The following EFNB2 variants were observed in gnomAD, a reference collection of about 807,000 sequenced individuals.
EFNB2 encodes ephrin-B2.
Under a neutral mutation model 32.1 loss-of-function variants are expected in EFNB2, and 5 were observed. The observed-to-expected ratio is 0.16, with a 90% CI of 0.08 to 0.33. EFNB2 has a LOEUF of 0.33. Ranked by LOEUF, EFNB2 falls within the 10% of genes least tolerant of loss-of-function variation. The pLI is 1.00. For synonymous variants in EFNB2, 168 were observed against 166.5 expected (o/e 1.01, Z -0.07); for missense variants, 263 against 422.6 (o/e 0.62, Z 3.31).
intron 1 of EFNB2, among the ~76,000 whole-genome samples, chr13:106,530,036 G>A (rs1181299353): frequency 6.6e-6 from 1 of 152,190 alleles, no homozygotes; most frequent in Non-Finnish European, 1.5e-5. Context: ...GGCTAGTATC[G>A]TGCTGAATTT....
At chr13:106,529,397 C>G (rs965804442) in intron 1 of EFNB2, among the ~76,000 whole-genome samples, 1 of 152,182 alleles carries the variant, frequency 6.6e-6, no homozygotes, top group African/African-American at 2.4e-5. Flanking sequence ...CTGCAGTGAT[C>G]TGAAGTTTTA....
chr13:106,495,187 C>T (rs947800184), intron 3 of EFNB2, among the ~76,000 whole-genome samples, 193 bp from the exon 4 acceptor site: 6 of 152,148 alleles, frequency 3.9e-5, no homozygotes, highest in East Asian at 1.9e-4. Flanking sequence ...AGGTTTAGAA[C>T]GTGAGGCCAT....
chr13:106,508,537 C>T (rs1879033569), intron 2 of EFNB2, among the ~76,000 whole-genome samples: 1 of 152,098 alleles, frequency 6.6e-6, no homozygotes, highest in Non-Finnish European at 1.5e-5. Flanking sequence ...GGGCTAATTA[C>T]TGAAATAGGT....
intron 1 of EFNB2, among the ~76,000 whole-genome samples, chr13:106,526,687 C>G (rs1234290231): frequency 6.6e-6 from 1 of 152,134 alleles, no homozygotes; most frequent in Non-Finnish European, 1.5e-5. Context: ...TTTCTAACTT[C>G]TTCTGCAGCT....
chr13:106,494,360 C>T (rs758830115), intron 4 of EFNB2, among the ~76,000 whole-genome samples: 14 of 152,180 alleles, frequency 9.2e-5, no homozygotes, highest in Non-Finnish European at 1.6e-4. Context: ...TGGTATTCTA[C>T]ACTTTTGTCA....
chr13:106,531,932 T>C (rs1236069395), intron 1 of EFNB2, among the ~76,000 whole-genome samples: 1 of 151,970 alleles, frequency 6.6e-6, no homozygotes, highest in Admixed American at 6.6e-5. Context: ...TAAAGTAAAA[T>C]TAATTTTTTT....
At chr13:106,512,908 T>C in intron 1 of EFNB2, 96 bp from the exon 2 acceptor site, 1 of 1,001,450 alleles carries the variant, frequency 1.0e-6, no homozygotes, top group Admixed American at 2.6e-5. Flanking sequence ...AATCCCAAAC[T>C]ACACATTTTC....
At chr13:106,532,191 T>C (rs1420884105) in intron 1 of EFNB2, among the ~76,000 whole-genome samples, 1 of 152,128 alleles carries the variant, frequency 6.6e-6, no homozygotes, top group Non-Finnish European at 1.5e-5. Context: ...AGGACATCTT[T>C]CCATTATTAC....
chr13:106,529,775 CA>C (rs1879815280), intron 1 of EFNB2, among the ~76,000 whole-genome samples: 1 of 152,192 alleles, frequency 6.6e-6, no homozygotes, highest in South Asian at 2.1e-4. Context: ...TATTGCCATA[CA>C]ATCAGATTAC....
At chr13:106,532,145 G>A (rs1356826364) in intron 1 of EFNB2, among the ~76,000 whole-genome samples, 1 of 151,692 alleles carries the variant, frequency 6.6e-6, no homozygotes, top group African/African-American at 2.4e-5. Flanking sequence ...AAAGCAATGT[G>A]AATAACCTAA....
intron 2 of EFNB2, among the ~76,000 whole-genome samples, chr13:106,509,011 A>T (rs568453620): frequency 2.6e-5 from 4 of 152,228 alleles, no homozygotes; most frequent in Non-Finnish European, 4.4e-5. Flanking sequence ...AACCACACTA[A>T]CAAGTGATCC....
chr13:106,501,596 C>CT (rs753512349), intron 2 of EFNB2, among the ~76,000 whole-genome samples: 283 of 143,570 alleles, frequency 2.0e-3, no homozygotes, highest in South Asian at 0.016. Flanking sequence ...ATTTATTTTC[C>CT]TTTTTTTTTT....
In EFNB2 at chr13:106,493,195, CGTT is replaced by C. The variant is rs764771514; in HGVS notation, c.844_846del (p.Asn282del). Reference sequence around the variant, plus strand: ...ATGATAATGTCACTGGGCTCTGAGCCGTTGTTGTTGCCGCTGCGCTTGGGTGTG... The same window carrying C: ...ATGATAATGTCACTGGGCTCTGAGCCGTTGTTGCCGCTGCGCTTGGGTGTG... On this transcript the variant is annotated inframe_deletion, in exon 5 of 5. Coordinates refer to ENST00000646441, the MANE Select transcript of EFNB2 (RefSeq NM_004093.4). This position sits in a 1 kb window ranked among gnomAD's most constrained non-coding sequence, Gnocchi z 6.1. 2.3e-4 allele frequency: 373 copies of C among 1,614,190 alleles called. 1 individual carries two copies. The Middle Eastern group carries it at 3.8e-3, about 16-fold the overall frequency.
At chr13:106,506,785 T>C (rs1202669842) in intron 2 of EFNB2, 1 of 152,222 alleles carries the variant, frequency 6.6e-6, no homozygotes, top group Non-Finnish European at 1.5e-5. Flanking sequence ...GCATTTTCTA[T>C]ATCCCACCAC....
rs1880034618 is a variant in EFNB2, at chr13:106,535,212, GC to G, written c.-249del. The G allele has an allele frequency of 6.3e-6, 1 of 159,784 alleles. No individual in the cohort carries two copies. The highest frequency in any genetic ancestry group is 1.3e-5 in the Non-Finnish European group (1 of 77,286). The allele number at this position is 159,784 out of a possible 1,614,324, so 9.9% of individuals were successfully genotyped here. On this transcript the variant is annotated 5_prime_UTR_variant, in exon 1 of 5. Transcript: ENST00000646441. ...CGCGGCGGACTCGGGGTTCCGGGGC[GC>G]CGCGCCGGACGCAGCTCGGACGGCC...
chr13:106,527,256 A>G (rs1879731481), intron 1 of EFNB2, among the ~76,000 whole-genome samples: 1 of 151,796 alleles, frequency 6.6e-6, no homozygotes, highest in African/African-American at 2.4e-5. Flanking sequence ...AATTAGTAAT[A>G]TAAATAAATA....
At chr13:106,508,273 A>C (rs911375867) in intron 2 of EFNB2, among the ~76,000 whole-genome samples, 12 of 152,210 alleles carry the variant, frequency 7.9e-5, no homozygotes, top group African/African-American at 2.9e-4. Flanking sequence ...TATCAACTGG[A>C]GCATTTAGTA....
At position 106,491,780 on chromosome 13, in the gene EFNB2, C is replaced by CT. The variant is rs1368394801; in HGVS notation, c.*1259dup. ...GACCTACCTTTTATAGATAAGGATT[C>CT]TTTAATAACAACGATGATGATGGAA... On this transcript the variant is annotated 3_prime_UTR_variant, in exon 5 of 5. Transcript: ENST00000646441. The CT allele has an allele frequency of 6.6e-6, 1 of 152,592 alleles. No individual in the cohort carries two copies. Among genetic ancestry groups the CT allele is most frequent in the African/African-American group, 2.4e-5 (1 of 41,414 alleles). 9.5% of individuals were successfully genotyped at this position (152,592 alleles called of 1,614,324 possible).
At position 106,492,847 on chromosome 13, in the gene EFNB2, G is replaced by A. The variant is rs1328932255; in HGVS notation, c.*193C>T. On this transcript the variant is annotated 3_prime_UTR_variant, in exon 5 of 5. Coordinates refer to ENST00000646441, the MANE Select transcript of EFNB2 (RefSeq NM_004093.4). This position sits in a 1 kb window ranked among gnomAD's most constrained non-coding sequence, Gnocchi z 5.1. Reference sequence around the variant, plus strand: ...GTCTTCCAGCTTCCAGGGAGCGTGTGTGTTCACCAAGGCCGAATGCTACAA... The same window carrying A: ...GTCTTCCAGCTTCCAGGGAGCGTGTATGTTCACCAAGGCCGAATGCTACAA... 26 of 682,210 alleles carry A rather than the reference G, an allele frequency of 3.8e-5. No individual in the cohort carries two copies. Among genetic ancestry groups the A allele is most frequent in the Non-Finnish European group, 5.5e-5 (23 of 420,822 alleles). 42.3% of individuals were successfully genotyped at this position (682,210 alleles called of 1,614,324 possible).
Sources: allele counts gnomAD v4.1 joint callset (sites outside exome capture counted in the v4.1 genomes callset), GRCh38; gene constraint gnomAD v4.1.1; non-coding constraint Gnocchi (gnomAD v3.1); transcripts MANE v1.5; gene names NCBI Gene and HGNC (gene_info 2026-07-23, HGNC 2026-07-21).